MOB1B: variants seen among roughly 807,000 people sequenced by gnomAD.
MOB1B encodes the protein MOB1 Mps One Binder homolog B.
Under a neutral mutation model 24.4 loss-of-function variants are expected in MOB1B, and 19 were observed. The ratio of observed to expected loss-of-function variants is 0.78; its 90% CI spans 0.54 to 1.14. The LOEUF (loss-of-function observed/expected upper bound fraction) is 1.14, where lower values mean the gene tolerates loss of function less well. Ranked by LOEUF, MOB1B falls within the 50% of genes most tolerant of loss-of-function variation. The pLI, the probability that MOB1B is intolerant of heterozygous loss-of-function variation, is 0.00. For missense variants in MOB1B, 243 were observed against 259.6 expected, an observed-to-expected ratio of 0.94 and a Z score of 0.44; for synonymous variants, 76 against 82.1, an observed-to-expected ratio of 0.93 and a Z score of 0.40.
Position 70,986,699 on chromosome 4 carries a change from A to G in MOB1B, c.*4642A>G, listed in dbSNP as rs1431228701. ...TGTAATATTAAAATTTACCGTGGAA[A>G]TCACTGTTGTTCAGCTATCACCTTA... is the stretch of plus-strand genomic sequence containing the variant. On this transcript the variant is annotated 3_prime_UTR_variant, in exon 6 of 6. Coordinates refer to ENST00000309395, the MANE Select transcript of MOB1B (RefSeq NM_173468.4). The G allele has an allele frequency of 6.6e-6, 1 of 152,176 alleles. No individual in the cohort carries two copies. The highest frequency in any genetic ancestry group is 1.5e-5 in the Non-Finnish European group (1 of 67,988). 9.4% of individuals were successfully genotyped at this position (152,176 alleles called of 1,614,324 possible).
intron 1 of MOB1B, among the ~76,000 whole-genome samples, chr4:70,905,563 C>T (rs1275080870): frequency 6.6e-6 from 1 of 151,966 alleles, no homozygotes; most frequent in Non-Finnish European, 1.5e-5. Context: ...TATTTCTGTA[C>T]CAACAGATGA....
intron 1 of MOB1B, among the ~76,000 whole-genome samples, chr4:70,915,311 C>T (rs1283245759): frequency 6.6e-6 from 1 of 151,954 alleles, no homozygotes; most frequent in Non-Finnish European, 1.5e-5. Flanking sequence ...AAGAATTGGA[C>T]AAAATGCACA....
intron 1 of MOB1B, chr4:70,950,755 C>T: frequency 6.5e-7 from 1 of 1,534,178 alleles, no homozygotes. Flanking sequence ...TTATCGAATA[C>T]CTGATCTGTA....
intron 1 of MOB1B, among the ~76,000 whole-genome samples, chr4:70,930,832 A>G (rs1017658351): frequency 2.0e-5 from 3 of 152,034 alleles, no homozygotes; most frequent in Admixed American, 2.0e-4. Context: ...TCTTAGTTTA[A>G]ATGGTCAGAG....
At chr4:70,948,593 C>T (rs568909648) in intron 1 of MOB1B, among the ~76,000 whole-genome samples, 84 of 152,170 alleles carry the variant, frequency 5.5e-4, no homozygotes, top group African/African-American at 2.0e-3. Flanking sequence ...TCTAAAGATA[C>T]TGATTATATT....
chr4:70,924,934 T>C (rs559837629), intron 1 of MOB1B, among the ~76,000 whole-genome samples: 19 of 152,346 alleles, frequency 1.2e-4, no homozygotes, highest in Admixed American at 9.8e-4. Context: ...TTAAAAATTA[T>C]ATTTCTAATT....
At chr4:70,934,880 ATATT>A (rs1449911834) in intron 1 of MOB1B, among the ~76,000 whole-genome samples, 1 of 151,928 alleles carries the variant, frequency 6.6e-6, no homozygotes, top group African/African-American at 2.4e-5. Context: ...ACCTTCACAC[ATATT>A]TAAATTCTTT....
At chr4:70,981,396 C>T (rs772912252) in intron 5 of MOB1B, among the ~76,000 whole-genome samples, 5 of 152,122 alleles carry the variant, frequency 3.3e-5, no homozygotes, top group Non-Finnish European at 7.4e-5. Flanking sequence ...TTCAGAATGA[C>T]GGGTGGAATT....
At chr4:70,969,798 C>A in intron 2 of MOB1B, 133 bp from the exon 3 acceptor site, 83 of 412,030 alleles carry the variant, frequency 2.0e-4, no homozygotes, top group Non-Finnish European at 2.5e-4. Flanking sequence ...TGTATTGATA[C>A]TTCTGTGTAT....
Position 70,987,267 on chromosome 4 carries a change from A to G in MOB1B, c.*5210A>G, listed in dbSNP as rs1170284733. 1 of 151,874 alleles carries G rather than the reference A, an allele frequency of 6.6e-6. No individual in the cohort carries two copies. The highest frequency in any genetic ancestry group is 2.4e-5 in the African/African-American group (1 of 41,410). The allele number at this position is 151,874 out of a possible 1,614,324, so 9.4% of individuals were successfully genotyped here. On this transcript the variant is annotated 3_prime_UTR_variant, in exon 6 of 6. Transcript: ENST00000309395. ...AGTGATACAAAGTTAAAATTTCAAT[A>G]TTTAATTTCTCTATATATTATTAAT...
At position 70,983,407 on chromosome 4, in the gene MOB1B, A is replaced by AT. The variant is rs1739280074; in HGVS notation, c.*1351dup. The AT allele has an allele frequency of 6.6e-6, 1 of 152,490 alleles. No individual in the cohort carries two copies. The highest frequency in any genetic ancestry group is 1.5e-5 in the Non-Finnish European group (1 of 67,978). 9.4% of individuals were successfully genotyped at this position (152,490 alleles called of 1,614,324 possible). ...TATTAACTTCTAAATTTTATTCGCC[A>AT]TGACTTTCTAGTGAATTATTACCAT... On this transcript the variant is annotated 3_prime_UTR_variant, in exon 6 of 6. Transcript: ENST00000309395.
chr4:70,966,824 G>A (rs1199103239), intron 2 of MOB1B, among the ~76,000 whole-genome samples: 1 of 151,552 alleles, frequency 6.6e-6, no homozygotes, highest in Non-Finnish European at 1.5e-5. Flanking sequence ...CCCAAGCCTG[G>A]GCAATAGAGT....
At chr4:70,941,227 A>T in intron 1 of MOB1B, among the ~76,000 whole-genome samples, 1 of 146,868 alleles carries the variant, frequency 6.8e-6, no homozygotes. Flanking sequence ...TAACAGGTTG[A>T]TTTGAATTTC....
chr4:70,976,391 T>C (rs763576054), intron 4 of MOB1B: 27 of 981,942 alleles, frequency 2.7e-5, no homozygotes, highest in Admixed American at 1.2e-4. Flanking sequence ...ATATGAATCT[T>C]ACAGATTCAG....
At chr4:70,957,934 G>C (rs1738136277) in intron 1 of MOB1B, among the ~76,000 whole-genome samples, 2 of 151,598 alleles carry the variant, frequency 1.3e-5, no homozygotes, top group Non-Finnish European at 2.9e-5. Flanking sequence ...AAACCACCTT[G>C]AAGCCTAGTT....
At chr4:70,958,256 C>CAAG in intron 1 of MOB1B, among the ~76,000 whole-genome samples, 1 of 151,826 alleles carries the variant, frequency 6.6e-6, no homozygotes, top group Non-Finnish European at 1.5e-5. Flanking sequence ...CCTCTGCCTC[C>CAAG]CGAGTTCAAG....
At chr4:70,926,885 T>A (rs1272499471) in intron 1 of MOB1B, among the ~76,000 whole-genome samples, 1 of 151,718 alleles carries the variant, frequency 6.6e-6, no homozygotes, top group African/African-American at 2.4e-5. Context: ...TAGTCCCATC[T>A]ACTTGGGAGG....
At chr4:70,928,118 T>C (rs955410113) in intron 1 of MOB1B, among the ~76,000 whole-genome samples, 1 of 152,150 alleles carries the variant, frequency 6.6e-6, no homozygotes, top group African/African-American at 2.4e-5. Context: ...CAGTGCCCTT[T>C]ATAGTCCTTA....
chr4:70,916,374 GCA>G (rs1736194939), intron 1 of MOB1B, among the ~76,000 whole-genome samples: 3 of 152,190 alleles, frequency 2.0e-5, no homozygotes, highest in Non-Finnish European at 4.4e-5. Context: ...ATGGCTGCAT[GCA>G]AGCATTTAAA....
Sources: gnomAD v4.1 joint callset for allele counts (sites outside exome capture counted in the v4.1 genomes callset) on GRCh38, gnomAD v4.1.1 for gene constraint, MANE v1.5 for transcripts, NCBI Gene and HGNC (gene_info 2026-07-23, HGNC 2026-07-21) for gene names.